PTPRD: variants seen among roughly 807,000 people sequenced by gnomAD.
PTPRD encodes protein tyrosine phosphatase receptor type D.
In PTPRD, 34 loss-of-function variants were observed where a neutral mutation model predicts 214.5. That is an observed-to-expected ratio of 0.16 (90% CI 0.12 to 0.21). The LOEUF is 0.21. Among genes scored for constraint, PTPRD ranks in the 10% least tolerant of loss-of-function variants. The pLI is 1.00. For synonymous variants in PTPRD, 1,128 were observed against 845.7 expected, an observed-to-expected ratio of 1.33 and a Z score of -5.79; for missense variants, 2,545 against 2,398.7, an observed-to-expected ratio of 1.06 and a Z score of -1.27.
At chr9:9,081,528 G>A (rs551550829) in intron 10 of PTPRD, among the ~76,000 whole-genome samples, 5 of 152,064 alleles carry the variant, frequency 3.3e-5, no homozygotes, top group African/African-American at 1.2e-4. Flanking sequence ...TTCCAGAGCC[G>A]AGTACAAGTC....
At chr9:8,499,416 G>C (rs1422441473) in intron 25 of PTPRD, among the ~76,000 whole-genome samples, 2 of 152,056 alleles carry the variant, frequency 1.3e-5, no homozygotes, top group Non-Finnish European at 2.9e-5. Context: ...GTATTTTAAG[G>C]AAAAAGTAAC....
chr9:9,052,205 T>C lies in PTPRD; in HGVS notation c.-142-33470A>G, dbSNP rs112342274. Among the ~76,000 whole-genome samples the C allele has an allele frequency of 3.2e-3, 486 of 152,290 alleles. 1 individual carries two copies. The highest frequency in any genetic ancestry group is 0.011 in the African/African-American group (463 of 41,566). ...GGGAGCTCACTAGGGTCTATTTTAT[T>C]AGGATACAATCCATTCATGAGGGTT... On this transcript the variant is annotated intron_variant, in intron 10 of 45. Coordinates refer to ENST00000381196, the MANE Select transcript of PTPRD (RefSeq NM_002839.4).
intron 2 of PTPRD, among the ~76,000 whole-genome samples, chr9:10,479,034 C>T (rs892036017): frequency 6.6e-6 from 1 of 152,078 alleles, no homozygotes; most frequent in African/African-American, 2.4e-5. Flanking sequence ...AAACATTACA[C>T]AATTTTCACA....
At chr9:10,451,935 T>C (rs1253909057) in intron 2 of PTPRD, among the ~76,000 whole-genome samples, 1 of 152,090 alleles carries the variant, frequency 6.6e-6, no homozygotes, top group Middle Eastern at 3.4e-3. Context: ...AATTATTTCT[T>C]CTGTGGGAAG....
chr9:10,521,110 C>T (rs2052096632), intron 2 of PTPRD, among the ~76,000 whole-genome samples: 2 of 151,842 alleles, frequency 1.3e-5, no homozygotes, highest in Non-Finnish European at 2.9e-5. Flanking sequence ...CACTGAAAAC[C>T]TTCCGGAAAG....
intron 11 of PTPRD, among the ~76,000 whole-genome samples, chr9:9,017,441 T>G (rs1383022677): frequency 6.6e-6 from 1 of 152,190 alleles, no homozygotes; most frequent in Admixed American, 6.6e-5. Context: ...TAGGGCTTTG[T>G]GTCTTTGAAC....
intron 7 of PTPRD, among the ~76,000 whole-genome samples, chr9:9,679,315 G>C (rs974513672): frequency 1.3e-5 from 2 of 151,538 alleles, no homozygotes; most frequent in Non-Finnish European, 2.9e-5. Flanking sequence ...ATCTAGAAAT[G>C]TCTTAAACTA....
chr9:9,539,204 A>T (rs1418972032), intron 8 of PTPRD, among the ~76,000 whole-genome samples: 1 of 151,870 alleles, frequency 6.6e-6, no homozygotes, highest in South Asian at 2.1e-4. Context: ...AAAGGAGTCA[A>T]TTATAAGATA....
At chr9:10,097,255 T>G (rs1253830255) in intron 3 of PTPRD, among the ~76,000 whole-genome samples, 1 of 147,600 alleles carries the variant, frequency 6.8e-6, no homozygotes, top group Non-Finnish European at 1.5e-5. Context: ...TTTAAAGTAG[T>G]TTTTTCCAAT....
chr9:9,292,284 T>C (rs943640943), intron 9 of PTPRD, among the ~76,000 whole-genome samples: 2 of 151,352 alleles, frequency 1.3e-5, no homozygotes, highest in Non-Finnish European at 3.0e-5. Context: ...TATTCTGTGA[T>C]AGAAGACTTC....
intron 25 of PTPRD, among the ~76,000 whole-genome samples, chr9:8,498,132 C>T (rs1054533152): frequency 2.6e-5 from 4 of 152,130 alleles, no homozygotes; most frequent in African/African-American, 9.7e-5. Context: ...GATAAGTGAG[C>T]AATGAATCCA....
chr9:8,372,924 T>C (rs933254110), intron 39 of PTPRD, among the ~76,000 whole-genome samples: 9 of 152,098 alleles, frequency 5.9e-5, no homozygotes, highest in South Asian at 4.1e-4. Context: ...ACAGGATATA[T>C]TGGGCAGAAG....
chr9:9,125,337 A>G (rs1173951630), intron 10 of PTPRD, among the ~76,000 whole-genome samples: 1 of 152,168 alleles, frequency 6.6e-6, no homozygotes, highest in Non-Finnish European at 1.5e-5. Context: ...AGCCATTTCA[A>G]CTTGGTGTCA....
intron 5 of PTPRD, among the ~76,000 whole-genome samples, chr9:9,769,317 CTTT>C (rs34497562): frequency 4.4e-3 from 309 of 69,562 alleles, no homozygotes; most frequent in African/African-American, 0.017. Flanking sequence ...ACCAGAAGCC[CTTT>C]TTTTTTTTTT....
At chr9:9,000,232 G>T (rs1325318966) in intron 11 of PTPRD, among the ~76,000 whole-genome samples, 1 of 152,010 alleles carries the variant, frequency 6.6e-6, no homozygotes, top group Non-Finnish European at 1.5e-5. Context: ...TTTTAGAACG[G>T]CAGTCCTGCT....
chr9:10,534,720 A>G (rs114244448), intron 2 of PTPRD, among the ~76,000 whole-genome samples: 2,211 of 152,284 alleles, frequency 0.015, 57 homozygotes, highest in African/African-American at 0.051. Context: ...AGAAGAAGAA[A>G]AAAAAGCAGA....
At chr9:9,950,078 A>G (rs2093292843) in intron 4 of PTPRD, among the ~76,000 whole-genome samples, 1 of 152,122 alleles carries the variant, frequency 6.6e-6, no homozygotes, top group Non-Finnish European at 1.5e-5. Context: ...TATCAGACAC[A>G]TTTCCTGTAT....
intron 8 of PTPRD, among the ~76,000 whole-genome samples, chr9:9,474,682 G>T (rs867245671): frequency 1.3e-4 from 19 of 151,286 alleles, no homozygotes; most frequent in Admixed American, 7.2e-4. Flanking sequence ...TATTCCTAGG[G>T]TTTTTTTTGT....
chr9:8,706,328 T>C (rs2098207884), intron 12 of PTPRD, among the ~76,000 whole-genome samples: 1 of 152,208 alleles, frequency 6.6e-6, no homozygotes, highest in South Asian at 2.1e-4. Context: ...ACCTTTCCTT[T>C]ATTTAGTCTG....
Sources: allele counts gnomAD v4.1 joint callset (sites outside exome capture counted in the v4.1 genomes callset), GRCh38; gene constraint gnomAD v4.1.1; transcripts MANE v1.5; gene names NCBI Gene and HGNC (gene_info 2026-07-23, HGNC 2026-07-21).